Variants in SNX4 observed in about 807,000 individuals in gnomAD.
SNX4 encodes sorting nexin-4.
A neutral mutation model predicts 70.8 loss-of-function variants in SNX4; 49 were observed. The observed-to-expected ratio is 0.69, with a 90% CI of 0.55 to 0.88. The LOEUF (loss-of-function observed/expected upper bound fraction) is 0.88. Among genes scored for constraint, SNX4 ranks in the 40% least tolerant of loss-of-function variants. The pLI is 0.00. For synonymous variants in SNX4, 206 were observed against 183.8 expected (o/e 1.12, Z -0.98); for missense variants, 528 against 544.8 (o/e 0.97, Z 0.31).
intron 1 of SNX4, among the ~76,000 whole-genome samples, chr3:125,507,606 T>A (rs976779558): frequency 6.6e-6 from 1 of 152,164 alleles, no homozygotes; most frequent in Admixed American, 6.5e-5. Flanking sequence ...AAAGACAGAA[T>A]CTTGACAGCA....
intron 1 of SNX4, among the ~76,000 whole-genome samples, chr3:125,510,737 G>C (rs1935152553): frequency 6.6e-6 from 1 of 152,172 alleles, no homozygotes; most frequent in Non-Finnish European, 1.5e-5. Context: ...ACAGACAGTA[G>C]AATGATGGCT....
intron 1 of SNX4, among the ~76,000 whole-genome samples, chr3:125,515,154 G>A (rs756900888): frequency 1.0e-4 from 15 of 150,256 alleles, no homozygotes; most frequent in Non-Finnish European, 1.8e-4. Context: ...TCGAGACCAG[G>A]CTGGCCAAAA....
intron 2 of SNX4, among the ~76,000 whole-genome samples, chr3:125,503,149 T>C (rs1934968642): frequency 6.6e-6 from 1 of 152,050 alleles, no homozygotes; most frequent in Non-Finnish European, 1.5e-5. Context: ...TCAGGTGATC[T>C]GCCTGCCTTG....
At chr3:125,487,868 T>C (rs1009390299) in intron 6 of SNX4, among the ~76,000 whole-genome samples, 11 of 152,022 alleles carry the variant, frequency 7.2e-5, no homozygotes, top group African/African-American at 2.4e-4. Flanking sequence ...AGTAATACTA[T>C]TCTGTATAAA....
intron 11 of SNX4, among the ~76,000 whole-genome samples, chr3:125,455,085 CA>C (rs1395252542): frequency 5.3e-5 from 8 of 152,056 alleles, no homozygotes; most frequent in African/African-American, 1.7e-4. Flanking sequence ...CATGCCACCA[CA>C]CCCAGCTAAT....
At chr3:125,504,867 G>A (rs959421017) in intron 1 of SNX4, 123 bp from the exon 2 acceptor site, 24 of 1,098,898 alleles carry the variant, frequency 2.2e-5, no homozygotes, top group Non-Finnish European at 2.8e-5. Context: ...GTTACTTATA[G>A]TTCTTGAGTT....
At chr3:125,473,015 TG>T (rs1256934789) in intron 8 of SNX4, among the ~76,000 whole-genome samples, 2 of 151,162 alleles carry the variant, frequency 1.3e-5, no homozygotes, top group African/African-American at 4.9e-5. Context: ...CAGGCACTTT[TG>T]AAAAAAAAAA....
At chr3:125,476,081 C>A (rs963174001) in intron 8 of SNX4, among the ~76,000 whole-genome samples, 1 of 151,620 alleles carries the variant, frequency 6.6e-6, no homozygotes, top group African/African-American at 2.4e-5. Flanking sequence ...GCCTGGTCAA[C>A]ATGGTGAAAT....
chr3:125,483,052 CT>C (rs1388334876), intron 6 of SNX4, among the ~76,000 whole-genome samples: 1 of 151,838 alleles, frequency 6.6e-6, no homozygotes, highest in African/African-American at 2.4e-5. Context: ...CACTGTACAA[CT>C]TTTCCGTACT....
chr3:125,446,720 CAT>C lies in SNX4; in HGVS notation c.*1057_*1058del, dbSNP rs1045688718. On this transcript the variant is annotated 3_prime_UTR_variant, in exon 14 of 14. Transcript: ENST00000251775. ...CACAAAAATCCAGCAACATTTAAAA[CAT>C]ATAAAAAAGTCAAATGCTAAACAGG... is the stretch of plus-strand genomic sequence containing the variant. The C allele has an allele frequency of 4.6e-5, 7 of 152,414 alleles. No individual in the cohort carries two copies. The highest frequency in any genetic ancestry group is 1.0e-4 in the Non-Finnish European group (7 of 67,990). The allele number at this position is 152,414 out of a possible 1,614,324, so 9.4% of individuals were successfully genotyped here. A position where few individuals can be genotyped will look rare whatever the true frequency, so the allele number is the denominator to read the frequency against.
intron 8 of SNX4, among the ~76,000 whole-genome samples, chr3:125,469,891 G>A (rs1411087472): frequency 1.3e-5 from 2 of 152,158 alleles, no homozygotes; most frequent in African/African-American, 4.8e-5. Context: ...AGTGAGACAT[G>A]TACATTTTTA....
Position 125,447,334 on chromosome 3 carries a change from T to A in SNX4, c.*445A>T, listed in dbSNP as rs1337172433. The A allele has an allele frequency of 2.0e-5, 3 of 153,134 alleles. No homozygotes were observed. The East Asian group carries it at 5.8e-4, about 29-fold the overall frequency. The allele number at this position is 153,134 out of a possible 1,614,324, so 9.5% of individuals were successfully genotyped here. On this transcript the variant is annotated 3_prime_UTR_variant, in exon 14 of 14. Coordinates refer to ENST00000251775, the MANE Select transcript of SNX4 (RefSeq NM_003794.4). ...GCTGAGCTTTGTCAAACCAAATAGC[T>A]CAACTATAAGGCAAGAGAAAACAAC...
At chr3:125,473,170 C>T (rs1447148553) in intron 8 of SNX4, among the ~76,000 whole-genome samples, 2 of 152,092 alleles carry the variant, frequency 1.3e-5, no homozygotes, top group African/African-American at 4.8e-5. Flanking sequence ...AGTTTGTCAA[C>T]CCTTGTCTCC....
intron 9 of SNX4, among the ~76,000 whole-genome samples, chr3:125,461,945 G>A (rs931254142): frequency 3.9e-5 from 6 of 152,122 alleles, no homozygotes; most frequent in East Asian, 3.9e-4. Context: ...GAGCCACAGC[G>A]CCCGGCCATT....
intron 8 of SNX4, among the ~76,000 whole-genome samples, chr3:125,472,241 T>C (rs1277431742): frequency 6.6e-6 from 1 of 152,176 alleles, no homozygotes; most frequent in African/African-American, 2.4e-5. Context: ...TTTCTTCCCC[T>C]CTCAAACTGC....
intron 6 of SNX4, among the ~76,000 whole-genome samples, chr3:125,481,912 C>T (rs1934420356): frequency 6.6e-6 from 1 of 151,530 alleles, no homozygotes; most frequent in Admixed American, 6.6e-5. Flanking sequence ...TTTTAAAGGC[C>T]CAGTACTGTG....
chr3:125,520,155 C>T lies in SNX4; in HGVS notation c.18G>A (p.Pro6=), dbSNP rs531582392. 6.9e-5 allele frequency: 89 copies of T among 1,288,890 alleles called. No homozygotes were observed. The South Asian group carries it at 1.1e-3, about 16-fold the overall frequency. 79.8% of individuals were successfully genotyped at this position (1,288,890 alleles called of 1,614,324 possible). A position where few individuals can be genotyped will look rare whatever the true frequency, so the allele number is the denominator to read the frequency against. Residue 6 remains proline (P), a synonymous_variant, in exon 1 of 14, where the codon CCG becomes CCA. Transcript: ENST00000251775. ...CCGGCTGGAGCTGCCGCTCGGGGTC[C>T]GGAGGTGCCTGCTCCATGGCTGCAG... is the stretch of plus-strand genomic sequence containing the variant. The part of the protein sequence containing the change: MEQAP[P]DPERQLQPAP...
At chr3:125,471,940 ACTC>A (rs1317203918) in intron 8 of SNX4, among the ~76,000 whole-genome samples, 1 of 152,108 alleles carries the variant, frequency 6.6e-6, no homozygotes, top group African/African-American at 2.4e-5. Flanking sequence ...CACAAAATAA[ACTC>A]CTCTACTTAA....
intron 11 of SNX4, 143 bp downstream of exon 11, chr3:125,457,123 T>G: frequency 9.6e-6 from 6 of 624,124 alleles, no homozygotes; most frequent in Non-Finnish European, 1.7e-5. Flanking sequence ...TCACAAATTA[T>G]TCCCCTGTAA....
Sources: allele counts gnomAD v4.1 joint callset (sites outside exome capture counted in the v4.1 genomes callset), GRCh38; gene constraint gnomAD v4.1.1; transcripts MANE v1.5; gene names NCBI Gene and HGNC (gene_info 2026-07-23, HGNC 2026-07-21).